Variants in STK3 observed in about 807,000 individuals in gnomAD.
The protein encoded by STK3 is serine/threonine-protein kinase 3.
STK3 carries 41 observed loss-of-function variants against 58.0 expected under a neutral mutation model. The ratio of observed to expected loss-of-function variants is 0.71; its 90% CI spans 0.55 to 0.92. The LOEUF is 0.92. STK3 is among the 40% of genes least tolerant of loss of function. The pLI is 0.00. For missense variants in STK3, 479 were observed against 602.7 expected (o/e 0.79, Z 2.15); for synonymous variants, 170 against 191.0 (o/e 0.89, Z 0.91).
intron 1 of STK3, among the ~76,000 whole-genome samples, chr8:98,897,680 T>C (rs1479261009): frequency 1.3e-5 from 2 of 152,224 alleles, no homozygotes; most frequent in Non-Finnish European, 2.9e-5. Context: ...GGATTCACAT[T>C]GGCACTTAAT....
intron 4 of STK3, among the ~76,000 whole-genome samples, chr8:98,731,298 A>G (rs1828182922): frequency 6.6e-6 from 1 of 152,126 alleles, no homozygotes; most frequent in Admixed American, 6.5e-5. Flanking sequence ...CGGAAGCTGT[A>G]AAGAAGAAAA....
At chr8:98,653,553 T>C (rs910941783) in intron 6 of STK3, among the ~76,000 whole-genome samples, 26 of 152,226 alleles carry the variant, frequency 1.7e-4, no homozygotes, top group African/African-American at 5.8e-4. Context: ...AGCTGGTTTT[T>C]TGAAAGGATC....
intron 3 of STK3, among the ~76,000 whole-genome samples, chr8:98,837,324 A>G (rs1835782068): frequency 6.6e-6 from 1 of 151,552 alleles, no homozygotes; most frequent in Non-Finnish European, 1.5e-5. Flanking sequence ...TCATTCAGAA[A>G]AGTGCTGTAG....
At chr8:98,720,750 CAAAAAAAAAA>C (rs35529460) in intron 4 of STK3, among the ~76,000 whole-genome samples, 1 of 94,770 alleles carries the variant, frequency 1.1e-5, no homozygotes, top group Non-Finnish European at 2.2e-5. Flanking sequence ...GACTCCGTCT[CAAAAAAAAAA>C]AAAAAAAAAG....
At chr8:98,941,389 C>T (rs1280212348) in intron 1 of STK3, among the ~76,000 whole-genome samples, 1 of 152,190 alleles carries the variant, frequency 6.6e-6, no homozygotes, top group African/African-American at 2.4e-5. Flanking sequence ...TGGCGAAAAA[C>T]GGCCAACAGT....
intron 6 of STK3, among the ~76,000 whole-genome samples, chr8:98,609,548 C>T (rs1817021610): frequency 6.6e-6 from 1 of 151,926 alleles, no homozygotes; most frequent in African/African-American, 2.4e-5. Context: ...CTAGAACAAC[C>T]ACTAGAAGTT....
chr8:98,866,700 A>C (rs1475321069), intron 3 of STK3, among the ~76,000 whole-genome samples: 1 of 152,246 alleles, frequency 6.6e-6, no homozygotes, highest in East Asian at 1.9e-4. Flanking sequence ...AAGTGATCTC[A>C]GCACCAGTGC....
intron 6 of STK3, among the ~76,000 whole-genome samples, chr8:98,699,363 G>A (rs1489932412): frequency 9.2e-5 from 14 of 152,160 alleles, no homozygotes; most frequent in African/African-American, 3.1e-4. Context: ...CTCTCAACTC[G>A]TCAAAGTCAT....
At chr8:98,649,399 G>C (rs887863862) in intron 6 of STK3, among the ~76,000 whole-genome samples, 1 of 151,946 alleles carries the variant, frequency 6.6e-6, no homozygotes, top group African/African-American at 2.4e-5. Context: ...TCCTATGTTG[G>C]TTAGAAACTT....
Position 98,893,480 on chromosome 8 carries a change from A to G in STK3, c.-78-9646T>C, listed in dbSNP as rs1366088560. On this transcript the variant is annotated intron_variant, in intron 1 of 1. Coordinates refer to the STK3 transcript ENST00000519420. Reference sequence around the variant, plus strand: ...AAAGAAAGAAAGAAAGAAAGAAAGAAAGAAAGAGAAAGAAAGAAAGAAAGA... The same window carrying G: ...AAAGAAAGAAAGAAAGAAAGAAAGAGAGAAAGAGAAAGAAAGAAAGAAAGA... 1.3e-3 allele frequency among the ~76,000 whole-genome samples: 90 copies of G among 68,618 alleles called. 1 individual carries two copies. Among genetic ancestry groups the G allele is most frequent in the Middle Eastern group, 6.8e-3 (1 of 148 alleles). 45.0% of individuals were successfully genotyped at this position (68,618 alleles called of 152,430 possible). A position where few individuals can be genotyped will look rare whatever the true frequency, so the allele number is the denominator to read the frequency against.
intron 3 of STK3, among the ~76,000 whole-genome samples, chr8:98,765,961 T>C (rs1286060133): frequency 6.6e-6 from 1 of 152,260 alleles, no homozygotes; most frequent in Non-Finnish European, 1.5e-5. Context: ...TTCTGTTCTC[T>C]GTCCCATACT....
chr8:98,587,406 T>C (rs1415491298), intron 7 of STK3, among the ~76,000 whole-genome samples: 17 of 152,034 alleles, frequency 1.1e-4, no homozygotes, highest in Non-Finnish European at 1.5e-5. Flanking sequence ...AGTTGAGTGG[T>C]TTTGAGTGAG....
intron 4 of STK3, among the ~76,000 whole-genome samples, chr8:98,711,365 A>G (rs1826418168): frequency 6.6e-6 from 1 of 152,188 alleles, no homozygotes. Context: ...GAACCCAGGC[A>G]AAGAAGTTAA....
intron 8 of STK3, among the ~76,000 whole-genome samples, chr8:98,579,024 G>A (rs1333190708): frequency 6.6e-6 from 1 of 151,960 alleles, no homozygotes; most frequent in Non-Finnish European, 1.5e-5. Flanking sequence ...GGTAGTGTGC[G>A]CCTGTAGTCC....
chr8:98,504,139 T>C (rs955031011), intron 10 of STK3, among the ~76,000 whole-genome samples: 1 of 152,226 alleles, frequency 6.6e-6, no homozygotes, highest in African/African-American at 2.4e-5. Context: ...TTTACCATTA[T>C]GTAATGGCCT....
intron 3 of STK3, among the ~76,000 whole-genome samples, chr8:98,759,266 C>A (rs1830475426): frequency 6.6e-6 from 1 of 152,162 alleles, no homozygotes; most frequent in African/African-American, 2.4e-5. Context: ...TCACTTGAAC[C>A]CTTACGGACC....
At chr8:98,907,839 T>G (rs1320464458) in intron 1 of STK3, among the ~76,000 whole-genome samples, 1 of 152,238 alleles carries the variant, frequency 6.6e-6, no homozygotes, top group Non-Finnish European at 1.5e-5. Context: ...TTAGTTGATA[T>G]GTTTTTTAAT....
chr8:98,388,523 C>T (rs746464483), upstream of STK3, among the ~76,000 whole-genome samples: 2 of 152,150 alleles, frequency 1.3e-5, no homozygotes, highest in Non-Finnish European at 2.9e-5. Flanking sequence ...TAAAAATGAA[C>T]CTGAATCTAA....
chr8:98,605,433 CTTTT>C (rs1008693603), intron 6 of STK3, among the ~76,000 whole-genome samples: 1 of 132,840 alleles, frequency 7.5e-6, no homozygotes. Flanking sequence ...GCAAGCACAC[CTTTT>C]TTTTTTTTTT....
Sources: gnomAD v4.1 joint callset for allele counts (sites outside exome capture counted in the v4.1 genomes callset) on GRCh38, gnomAD v4.1.1 for gene constraint, MANE v1.5 for transcripts, NCBI Gene and HGNC (gene_info 2026-07-23, HGNC 2026-07-21) for gene names.